The following PTPRD variants were observed in gnomAD, a reference collection of about 807,000 sequenced individuals.
The protein encoded by PTPRD is receptor-type tyrosine-protein phosphatase delta.
PTPRD carries 34 observed loss-of-function variants against 214.5 expected under a neutral mutation model. That is an observed-to-expected ratio of 0.16 (90% CI 0.12 to 0.21). The LOEUF (loss-of-function observed/expected upper bound fraction) is 0.21. PTPRD is among the 10% of genes least tolerant of loss of function. The pLI is 1.00. For synonymous variants in PTPRD, 1,128 were observed against 845.7 expected (o/e 1.33, Z -5.79); for missense variants, 2,545 against 2,398.7 (o/e 1.06, Z -1.27).
chr9:9,306,615 T>C lies in PTPRD; in HGVS notation c.-203+90834A>G, dbSNP rs1227087745. Among the ~76,000 whole-genome samples, 5 of 138,126 alleles carry C rather than the reference T, an allele frequency of 3.6e-5. No homozygotes were observed. The South Asian group carries it at 1.0e-3, about 28-fold the overall frequency. The allele number at this position is 138,126 out of a possible 152,430, so 90.6% of individuals were successfully genotyped here. Reference sequence around the variant, plus strand: ...TCCATCTTTTCTTTAAAATCATCAATAATATCCTCTGAATATACTTGAGAA... The same window carrying C: ...TCCATCTTTTCTTTAAAATCATCAACAATATCCTCTGAATATACTTGAGAA... On this transcript the variant is annotated intron_variant, in intron 9 of 45. Transcript: ENST00000381196.
At chr9:10,396,311 A>G (rs2154493666) in intron 2 of PTPRD, among the ~76,000 whole-genome samples, 1 of 152,062 alleles carries the variant, frequency 6.6e-6, no homozygotes, top group Middle Eastern at 3.4e-3. Flanking sequence ...AAGGTGGAGG[A>G]ATGAGCTATG....
intron 11 of PTPRD, among the ~76,000 whole-genome samples, chr9:8,942,216 C>T (rs941313633): frequency 2.0e-5 from 3 of 151,824 alleles, no homozygotes; most frequent in Admixed American, 6.6e-5. Context: ...CTTTTTTTTG[C>T]CCCCCTGTCT....
intron 8 of PTPRD, among the ~76,000 whole-genome samples, chr9:9,552,591 T>A (rs1213697418): frequency 1.3e-5 from 2 of 152,074 alleles, no homozygotes; most frequent in African/African-American, 4.8e-5. Flanking sequence ...ATAGCAAACT[T>A]CTTCTGTCTA....
chr9:9,027,809 C>G (rs563719295), intron 10 of PTPRD, among the ~76,000 whole-genome samples: 1 of 151,898 alleles, frequency 6.6e-6, no homozygotes, highest in African/African-American at 2.4e-5. Flanking sequence ...TCTGCTTTGT[C>G]AAACTTATCC....
rs149924729 is a variant in PTPRD at position 9,594,469 on chromosome 9, C to G, written c.-286-19688G>C. ...TTTGCATAAGGTGAGAGATGAGGAT[C>G]CAGTTTCATTCTCCTACATGTGGCT... On this transcript the variant is annotated intron_variant, in intron 7 of 45. Coordinates refer to ENST00000381196, the MANE Select transcript of PTPRD (RefSeq NM_002839.4). 8.1e-3 allele frequency among the ~76,000 whole-genome samples: 1,239 copies of G among 152,098 alleles called. 15 individuals are homozygous for G. The highest frequency in any genetic ancestry group is 0.028 in the African/African-American group (1,170 of 41,502).
chr9:9,224,792 G>C (rs955446726), intron 9 of PTPRD, among the ~76,000 whole-genome samples: 2 of 151,718 alleles, frequency 1.3e-5, no homozygotes, highest in Admixed American at 6.6e-5. Context: ...TAGTTTTCTG[G>C]ACTCTGTAAG....
At chr9:8,658,248 C>T (rs1218688990) in intron 12 of PTPRD, among the ~76,000 whole-genome samples, 3 of 152,084 alleles carry the variant, frequency 2.0e-5, no homozygotes, top group African/African-American at 7.2e-5. Context: ...TTTCTTAAGC[C>T]TATTATTATG....
intron 9 of PTPRD, among the ~76,000 whole-genome samples, chr9:9,352,472 T>TA (rs1212225940): frequency 6.6e-6 from 1 of 151,716 alleles, no homozygotes; most frequent in Non-Finnish European, 1.5e-5. Context: ...TCCTGGAAAT[T>TA]ACAACAAAAT....
At chr9:10,073,604 G>T (rs536469658) in intron 3 of PTPRD, among the ~76,000 whole-genome samples, 1 of 152,100 alleles carries the variant, frequency 6.6e-6, no homozygotes, top group South Asian at 2.1e-4. Context: ...GCAGTTGGAA[G>T]ATGGTTGGTG....
intron 2 of PTPRD, among the ~76,000 whole-genome samples, chr9:10,589,067 T>C (rs1200987489): frequency 1.3e-5 from 2 of 152,060 alleles, no homozygotes; most frequent in African/African-American, 2.4e-5. Flanking sequence ...AATAATTGCA[T>C]AGAGTTGTCT....
chr9:10,323,284 C>A (rs1194902071), intron 3 of PTPRD, among the ~76,000 whole-genome samples: 1 of 73,966 alleles, frequency 1.4e-5, no homozygotes, highest in Non-Finnish European at 2.6e-5. Flanking sequence ...CCTCCCCTCT[C>A]CTCCCCTCCC....
intron 10 of PTPRD, among the ~76,000 whole-genome samples, chr9:9,022,987 G>C (rs1346797784): frequency 1.3e-5 from 2 of 152,146 alleles, no homozygotes; most frequent in African/African-American, 4.8e-5. Context: ...AACCATGGTA[G>C]ATTTGGTTTT....
chr9:9,249,433 G>A (rs933011423), intron 9 of PTPRD, among the ~76,000 whole-genome samples: 7 of 151,966 alleles, frequency 4.6e-5, no homozygotes, highest in Non-Finnish European at 1.0e-4. Flanking sequence ...ATTGTTCTTC[G>A]TAAACCTCTT....
chr9:8,775,206 A>G (rs1166571703), intron 11 of PTPRD, among the ~76,000 whole-genome samples: 1 of 152,212 alleles, frequency 6.6e-6, no homozygotes, highest in Admixed American at 6.5e-5. Flanking sequence ...GGTGAGGCAT[A>G]ATTTTTAAAA....
chr9:9,584,006 C>G (rs2091409773), intron 7 of PTPRD, among the ~76,000 whole-genome samples: 1 of 152,032 alleles, frequency 6.6e-6, no homozygotes, highest in African/African-American at 2.4e-5. Context: ...GCTAAGTATA[C>G]AGTGGTAACT....
intron 5 of PTPRD, among the ~76,000 whole-genome samples, chr9:9,822,512 T>C (rs1336727930): frequency 6.7e-6 from 1 of 148,174 alleles, no homozygotes; most frequent in Admixed American, 6.8e-5. Flanking sequence ...ATATGTAATA[T>C]ATACATAATA....
At chr9:8,942,815 A>G (rs765989514) in intron 11 of PTPRD, among the ~76,000 whole-genome samples, 11 of 152,130 alleles carry the variant, frequency 7.2e-5, no homozygotes, top group Non-Finnish European at 1.6e-4. Flanking sequence ...TTTTTTAAAA[A>G]AAATTTCTTT....
intron 8 of PTPRD, among the ~76,000 whole-genome samples, chr9:9,452,301 T>C (rs1386448219): frequency 6.6e-6 from 1 of 151,498 alleles, no homozygotes; most frequent in African/African-American, 2.4e-5. Flanking sequence ...TGGAATTCTA[T>C]ACTCATTAAA....
chr9:10,138,241 C>CA (rs1306863155), intron 3 of PTPRD, among the ~76,000 whole-genome samples: 1 of 151,948 alleles, frequency 6.6e-6, no homozygotes, highest in Non-Finnish European at 1.5e-5. Context: ...AAAAGATCCT[C>CA]AAAGGCTACT....
Sources: gnomAD v4.1 joint callset for allele counts (sites outside exome capture counted in the v4.1 genomes callset) on GRCh38, gnomAD v4.1.1 for gene constraint, MANE v1.5 for transcripts, NCBI Gene and HGNC (gene_info 2026-07-23, HGNC 2026-07-21) for gene names.